CFAP47: variants seen among roughly 807,000 people sequenced by gnomAD.
The protein encoded by CFAP47 is cilia- and flagella-associated protein 47.
CFAP47 carries 29 observed loss-of-function variants against 148.1 expected under a neutral mutation model. The ratio of observed to expected loss-of-function variants is 0.20; its 90% confidence interval spans 0.15 to 0.27. The LOEUF is 0.27. Ranked by LOEUF, CFAP47 falls within the 10% of genes least tolerant of loss-of-function variation. The pLI is 1.00. For synonymous variants in CFAP47, 664 were observed against 577.3 expected (o/e 1.15, Z -2.15); for missense variants, 1,872 against 1,697.5 (o/e 1.10, Z -1.81).
chrX:36,059,875 C>T (rs746417968), intron 26 of CFAP47, among the ~76,000 whole-genome samples: 1 of 111,133 alleles, frequency 9.0e-6, no homozygotes, highest in Non-Finnish European at 1.9e-5. Context: ...TAGGTGCTGT[C>T]CTTCAGGTAA....
At chrX:35,924,907 T>C (rs919098319) in intron 1 of CFAP47, among the ~76,000 whole-genome samples, 1 of 111,194 alleles carries the variant, frequency 9.0e-6, no homozygotes, top group Non-Finnish European at 1.9e-5. Flanking sequence ...ACATGTGAAA[T>C]ATAAAAATTC....
At chrX:36,326,718 A>G (rs782060039) in intron 57 of CFAP47, among the ~76,000 whole-genome samples, 13 of 112,112 alleles carry the variant, frequency 1.2e-4, no homozygotes, top group Non-Finnish European at 2.4e-4. Flanking sequence ...CAAAGTGTTC[A>G]AGATGTGACC....
intron 33 of CFAP47, among the ~76,000 whole-genome samples, chrX:36,130,257 G>A (rs114193877): frequency 0.044 from 4,843 of 110,554 alleles, 276 homozygotes; most frequent in African/African-American, 0.15. Flanking sequence ...ATAAAAAATG[G>A]GCAAAAAATT....
At position 36,280,646 on chromosome X, in the gene CFAP47, C is replaced by T; in HGVS notation, c.7588+16C>T. ...GCAGACACATGTAAGTTTATTATGACAGAGTTTCACTATTAGTTTGCATAA... is the reference window on the plus strand; with the variant it reads ...GCAGACACATGTAAGTTTATTATGATAGAGTTTCACTATTAGTTTGCATAA... On this transcript the variant is annotated intron_variant, in intron 50 of 63. Transcript: ENST00000378653. The T allele has an allele frequency of 2.2e-6, 1 of 461,441 alleles. No homozygotes were observed. Among genetic ancestry groups the T allele is most frequent in the Non-Finnish European group, 3.8e-6 (1 of 259,882 alleles). 38.0% of individuals were successfully genotyped at this position (461,441 alleles called of 1,213,427 possible).
In CFAP47 at chrX:36,050,152, C is replaced by T. The variant is rs150108945; in HGVS notation, c.4217+3089C>T. 8.4e-3 allele frequency among the ~76,000 whole-genome samples: 933 copies of T among 110,821 alleles called. 12 individuals carry two copies. Among genetic ancestry groups the T allele is most frequent in the African/African-American group, 0.029 (889 of 30,422 alleles). ...AGAGCAGTATGAAAATGGACTAATA[C>T]GGTAAATTGGTACCACAGAGAGTGG... On this transcript the variant is annotated intron_variant, in intron 26 of 63. Coordinates refer to ENST00000378653, the MANE Select transcript of CFAP47 (RefSeq NM_001304548.2).
intron 22 of CFAP47, chrX:36,021,946 T>C (rs975734100): frequency 9.0e-6 from 1 of 111,569 alleles, no homozygotes. Context: ...CCAAAAAATA[T>C]GGAACACTTC....
At chrX:36,027,752 G>A (rs1937236354) in intron 22 of CFAP47, among the ~76,000 whole-genome samples, 1 of 111,441 alleles carries the variant, frequency 9.0e-6, no homozygotes, top group South Asian at 3.7e-4. Context: ...CATAAATGTT[G>A]TACTAACTTA....
intron 49 of CFAP47, among the ~76,000 whole-genome samples, chrX:36,262,213 T>A (rs1410801863): frequency 4.4e-5 from 5 of 112,451 alleles, no homozygotes; most frequent in African/African-American, 1.6e-4. Flanking sequence ...ATTATTTGTG[T>A]TACAAACAAT....
intron 30 of CFAP47, among the ~76,000 whole-genome samples, chrX:36,089,743 G>C (rs1938152796): frequency 8.9e-6 from 1 of 111,776 alleles, no homozygotes; most frequent in Non-Finnish European, 1.9e-5. Context: ...CTTAATATTG[G>C]AGTGGCAGAA....
At position 36,361,839 on chromosome X, in the gene CFAP47, T is replaced by C. The variant is rs782452258; in HGVS notation, c.9023+338T>C. ...AATAGCAACATGATATTTCTTGATG[T>C]TGCTTATCAGAACCAGTTCAAATGA... is the stretch of plus-strand genomic sequence containing the variant. On this transcript the variant is annotated intron_variant, in intron 61 of 63. Transcript: ENST00000378653. Among the ~76,000 whole-genome samples, 18 of 112,395 alleles carry C rather than the reference T, an allele frequency of 1.6e-4. No homozygotes were observed. The South Asian group carries it at 6.6e-3, about 41-fold the overall frequency.
chrX:35,954,823 TA>T (rs893043744), intron 7 of CFAP47, among the ~76,000 whole-genome samples: 1 of 112,108 alleles, frequency 8.9e-6, no homozygotes, highest in Non-Finnish European at 1.9e-5. Flanking sequence ...TGTGCACTTA[TA>T]TCTGTTGGTC....
intron 22 of CFAP47, among the ~76,000 whole-genome samples, 193 bp from the exon 23 acceptor site, chrX:36,031,060 A>G (rs1937273302): frequency 9.0e-6 from 1 of 110,714 alleles, no homozygotes; most frequent in African/African-American, 3.3e-5. Flanking sequence ...ACAAAAGGGA[A>G]CTTTGTTAAT....
chrX:35,946,186 T>A (rs1334173054), intron 3 of CFAP47, among the ~76,000 whole-genome samples: 2 of 111,588 alleles, frequency 1.8e-5, no homozygotes, highest in African/African-American at 6.5e-5. Context: ...ATTCTTTTTT[T>A]CAATAACTCT....
chrX:36,100,356 G>A (rs925869298), intron 32 of CFAP47, among the ~76,000 whole-genome samples: 2 of 111,821 alleles, frequency 1.8e-5, no homozygotes. Context: ...TCTAATACAC[G>A]GTAGTCTCTT....
At chrX:36,090,107 A>G (rs1021837991) in intron 30 of CFAP47, among the ~76,000 whole-genome samples, 3 of 112,126 alleles carry the variant, frequency 2.7e-5, no homozygotes, top group Non-Finnish European at 5.6e-5. Flanking sequence ...AGTATTTATC[A>G]ATTATAGCCT....
rs376134865 is a variant in CFAP47, at chrX:35,978,855, A to G, written c.2713+2942A>G. ...TCTCTCTATATTTTTATAAACTGAA[A>G]TGAATAATTCCAAATTAAAATTTAT... On this transcript the variant is annotated intron_variant, in intron 15 of 63. Transcript: ENST00000378653. Among the ~76,000 whole-genome samples the G allele has an allele frequency of 4.4e-5, 5 of 112,390 alleles. No homozygotes were observed. The East Asian group carries it at 8.4e-4, about 19-fold the overall frequency.
chrX:35,961,291 TA>T (rs1936327540), intron 8 of CFAP47, among the ~76,000 whole-genome samples: 2 of 111,881 alleles, frequency 1.8e-5, no homozygotes, highest in South Asian at 7.4e-4. Flanking sequence ...TGCAGATTTT[TA>T]AAAAATGTTT....
chrX:36,072,354 T>C (rs1373169190), intron 28 of CFAP47, among the ~76,000 whole-genome samples: 1 of 112,102 alleles, frequency 8.9e-6, no homozygotes, highest in Non-Finnish European at 1.9e-5. Context: ...AAATTTACTG[T>C]GACATCCCAA....
intron 29 of CFAP47, among the ~76,000 whole-genome samples, chrX:36,080,018 G>A (rs914476368): frequency 8.4e-4 from 94 of 111,507 alleles, no homozygotes; most frequent in African/African-American, 3.0e-3. Flanking sequence ...GAAAATTTTT[G>A]CAGTATACCC....
Sources: allele counts gnomAD v4.1 joint callset (sites outside exome capture counted in the v4.1 genomes callset), GRCh38; gene constraint gnomAD v4.1.1; transcripts MANE v1.5; gene names NCBI Gene and HGNC (gene_info 2026-07-23, HGNC 2026-07-21).